Variants in ZER1 observed in about 807,000 individuals in gnomAD.
ZER1 encodes protein zer-1 homolog.
In ZER1, 11 loss-of-function variants were observed where a neutral mutation model predicts 78.8. The observed-to-expected ratio is 0.14, with a 90% CI of 0.09 to 0.23. The LOEUF (loss-of-function observed/expected upper bound fraction) is 0.23. Ranked by LOEUF, ZER1 falls within the 10% of genes least tolerant of loss-of-function variation. The pLI is 1.00. For synonymous variants in ZER1, 400 were observed against 407.0 expected (o/e 0.98, Z 0.21); for missense variants, 588 against 996.9 (o/e 0.59, Z 5.52).
At chr9:128,761,036 T>C (rs1864025044) in intron 1 of ZER1, among the ~76,000 whole-genome samples, 1 of 150,256 alleles carries the variant, frequency 6.7e-6, no homozygotes, top group Non-Finnish European at 1.5e-5. Context: ...TGGGCACCTA[T>C]AGTCCCAGCT....
chr9:128,751,562 G>T lies in ZER1; in HGVS notation c.924-35C>A. On this transcript the variant is annotated intron_variant, in intron 5 of 15. Transcript: ENST00000291900. The surrounding 1 kb of genome is among the most constrained non-coding windows in gnomAD (Gnocchi z 5.4). ...GAGGGTGCCGGTGTCAGTGGCTTGG[G>T]ACCCAGGCCTGAGCTGGGCCTCCCC... 6.3e-7 allele frequency: 1 copy of T among 1,592,430 alleles called. No individual in the cohort carries two copies. The highest frequency in any genetic ancestry group is 8.6e-7 in the Non-Finnish European group (1 of 1,167,100).
intron 11 of ZER1, 147 bp downstream of exon 11, chr9:128,741,388 G>T (rs891224747): frequency 4.9e-6 from 6 of 1,230,472 alleles, no homozygotes; most frequent in African/African-American, 1.5e-5. Context: ...CAAATCCTGG[G>T]TGGGTGGGCC....
chr9:128,731,218 C>T lies in ZER1; in HGVS notation c.*119G>A, dbSNP rs1428000817. Reference sequence around the variant, plus strand: ...AAAAGCGTCGGTTGTGCAAAAGTCCCCCATGTCTCTTCACTCCGTGGGAGG... The same window carrying T: ...AAAAGCGTCGGTTGTGCAAAAGTCCTCCATGTCTCTTCACTCCGTGGGAGG... On this transcript the variant is annotated 3_prime_UTR_variant, in exon 16 of 16. Transcript: ENST00000291900. 11 of 737,780 alleles carry T rather than the reference C, an allele frequency of 1.5e-5. No homozygotes were observed. Among genetic ancestry groups the T allele is most frequent in the Non-Finnish European group, 2.2e-5 (10 of 460,756 alleles). The allele number at this position is 737,780 out of a possible 1,614,324, so 45.7% of individuals were successfully genotyped here. A position where few individuals can be genotyped will look rare whatever the true frequency, so the allele number is the denominator to read the frequency against.
chr9:128,746,841 G>A (rs1301278132), intron 8 of ZER1, among the ~76,000 whole-genome samples: 1 of 151,832 alleles, frequency 6.6e-6, no homozygotes, highest in Non-Finnish European at 1.5e-5. Flanking sequence ...TCACCATGTT[G>A]GCCAGGCTGG....
At chr9:128,741,696 C>T (rs777134691) in intron 10 of ZER1, 42 bp from the exon 11 acceptor site, 319 of 1,613,800 alleles carry the variant, frequency 2.0e-4, no homozygotes, top group Non-Finnish European at 1.2e-4. Flanking sequence ...TCCTGGTACC[C>T]GGGGAGGGGG....
intron 1 of ZER1, among the ~76,000 whole-genome samples, chr9:128,766,345 C>CT (rs1864207396): frequency 8.2e-6 from 1 of 121,760 alleles, no homozygotes; most frequent in Non-Finnish European, 1.6e-5. Flanking sequence ...AAGATTCCAT[C>CT]TCAAAAAAAA....
In ZER1 at chr9:128,755,707, C is replaced by T. The variant is rs569238065; in HGVS notation, c.-94-48G>A. On this transcript the variant is annotated intron_variant, in intron 1 of 15. Transcript: ENST00000291900. This position sits in a 1 kb window ranked among gnomAD's most constrained non-coding sequence, Gnocchi z 5.6. ...AGTGAGCCACACACAAGGGCTAGAA[C>T]TATCAGTGGTCCCATGTCCACGCTC... 32 of 1,094,336 alleles carry T rather than the reference C, an allele frequency of 2.9e-5. No individual in the cohort carries two copies. The African/African-American group carries it at 4.1e-4, about 14-fold the overall frequency. 67.8% of individuals were successfully genotyped at this position (1,094,336 alleles called of 1,614,324 possible).
rs1293369012 is a variant in ZER1 at position 128,740,804 on chromosome 9, T to C, written c.1821A>G (p.Gln607=). Residue 607 remains glutamine, a synonymous_variant, in exon 12 of 16, where the codon CAA becomes CAG. Coordinates refer to ENST00000291900, the MANE Select transcript of ZER1 (RefSeq NM_006336.4). The surrounding 1 kb of genome is among the most constrained non-coding windows in gnomAD (Gnocchi z 4.4). ...NVAEVKELRP[Q]LMTSQFISVF... is the part of the protein sequence containing the mutation. ...CGCTGATGAACTGGGAAGTCATTAG[T>C]TGAGGCCTCAGCTCCTTCACTTCTG... 2 of 780,958 alleles carry C rather than the reference T, an allele frequency of 2.6e-6. No homozygotes were observed. The highest frequency in any genetic ancestry group is 3.4e-5 in the African/African-American group (2 of 59,142). 48.4% of individuals were successfully genotyped at this position (780,958 alleles called of 1,614,324 possible).
At chr9:128,745,412 A>G (rs971047197) in intron 8 of ZER1, among the ~76,000 whole-genome samples, 2 of 151,854 alleles carry the variant, frequency 1.3e-5, no homozygotes, top group Non-Finnish European at 2.9e-5. Context: ...CCCAGGCTGG[A>G]GTGCAGTGGC....
At chr9:128,741,173 G>A (rs1464433464) in intron 11 of ZER1, among the ~76,000 whole-genome samples, 2 of 152,192 alleles carry the variant, frequency 1.3e-5, no homozygotes, top group South Asian at 2.1e-4. Flanking sequence ...TAGTTTAAGG[G>A]ACCCTCCTAG....
intron 1 of ZER1, among the ~76,000 whole-genome samples, chr9:128,758,552 G>A (rs999036498): frequency 6.6e-6 from 1 of 152,082 alleles, no homozygotes; most frequent in Non-Finnish European, 1.5e-5. Flanking sequence ...CTGAGTACCT[G>A]AGACTACAGG....
At chr9:128,752,193 C>T (rs924544762) in intron 5 of ZER1, among the ~76,000 whole-genome samples, 13 of 152,216 alleles carry the variant, frequency 8.5e-5, no homozygotes, top group Non-Finnish European at 5.9e-5. Context: ...CTGGATTGCC[C>T]CTACCATAGC....
At position 128,754,265 on chromosome 9, in the gene ZER1, G is replaced by A. The variant is rs1461242989; in HGVS notation, c.159-306C>T. Among the ~76,000 whole-genome samples the A allele has an allele frequency of 6.6e-6, 1 of 152,166 alleles. No individual in the cohort carries two copies. Among genetic ancestry groups the A allele is most frequent in the Non-Finnish European group, 1.5e-5 (1 of 68,022 alleles). ...GCAGGGGCAGCAGCCCCACTGGCAT[G>A]GCCACTCTCGTCACCTTCTTTAAGC... On this transcript the variant is annotated intron_variant, in intron 2 of 15. Coordinates refer to ENST00000291900, the MANE Select transcript of ZER1 (RefSeq NM_006336.4). This position sits in a 1 kb window ranked among gnomAD's most constrained non-coding sequence, Gnocchi z 4.3.
In ZER1 at chr9:128,740,165, C is replaced by T; in HGVS notation, c.1854-46G>A. 1 of 1,527,736 alleles carries T rather than the reference C, an allele frequency of 6.5e-7. No individual in the cohort carries two copies. The highest frequency in any genetic ancestry group is 8.9e-7 in the Non-Finnish European group (1 of 1,129,140). 94.6% of individuals were successfully genotyped at this position (1,527,736 alleles called of 1,614,324 possible). ...AAATGGAGTCCCACTCCCCCAGTTT[C>T]TCTTCAGATACCAGCGGCAGGACCC... On this transcript the variant is annotated intron_variant, in intron 12 of 15. Coordinates refer to ENST00000291900, the MANE Select transcript of ZER1 (RefSeq NM_006336.4). The surrounding 1 kb of genome is among the most constrained non-coding windows in gnomAD (Gnocchi z 4.4).
At chr9:128,757,316 C>T (rs962812551) in intron 1 of ZER1, among the ~76,000 whole-genome samples, 2 of 151,998 alleles carry the variant, frequency 1.3e-5, no homozygotes, top group African/African-American at 4.8e-5. Flanking sequence ...CCCAGGAGTT[C>T]AAGACCAGCC....
In ZER1 at chr9:128,752,835, G is replaced by A; in HGVS notation, c.761C>T (p.Ser254Phe). The change falls in exon 5 of 16, where the codon TCC (serine) becomes TTC (phenylalanine). Residue 254 changes from serine (S) to phenylalanine (F), a missense_variant. By Grantham distance (155) the Ser-to-Phe change is radical (BLOSUM62 -2). Coordinates refer to ENST00000291900, the MANE Select transcript of ZER1 (RefSeq NM_006336.4). ...GTAGTAGCTGGAGAGGCGGTCTCGG[G>A]AGATGTCCAGGTGTCTGAAGATTGG... ...QLHKLRHLDI[S>F]RDRLSSYYKF... 1 of 1,613,844 alleles carries A rather than the reference G, an allele frequency of 6.2e-7. No individual in the cohort carries two copies. Among genetic ancestry groups the A allele is most frequent in the Non-Finnish European group, 8.5e-7 (1 of 1,179,802 alleles).
intron 13 of ZER1, among the ~76,000 whole-genome samples, chr9:128,735,751 G>C (rs1461803111): frequency 7.5e-6 from 1 of 134,018 alleles, no homozygotes; most frequent in Non-Finnish European, 1.6e-5. Flanking sequence ...ACAGAAGCAC[G>C]TGTGACCTGG....
At chr9:128,766,876 T>G in intron 1 of ZER1, among the ~76,000 whole-genome samples, 1 of 144,358 alleles carries the variant, frequency 6.9e-6, no homozygotes. Flanking sequence ...AAAGACCCAG[T>G]GTGTCCAGCT....
intron 14 of ZER1, among the ~76,000 whole-genome samples, chr9:128,735,051 T>C (rs1485172371): frequency 4.3e-5 from 3 of 69,146 alleles, no homozygotes; most frequent in Non-Finnish European, 1.1e-4. Flanking sequence ...CCAGCAGGCA[T>C]GGAGATTTTG....
Sources: allele counts gnomAD v4.1 joint callset (sites outside exome capture counted in the v4.1 genomes callset), GRCh38; gene constraint gnomAD v4.1.1; non-coding constraint Gnocchi (gnomAD v3.1); transcripts MANE v1.5; gene names NCBI Gene and HGNC (gene_info 2026-07-23, HGNC 2026-07-21).